ATP2B2: variants seen among roughly 807,000 people sequenced by gnomAD.
ATP2B2 encodes ATPase plasma membrane Ca2+ transporting 2.
In ATP2B2, 15 loss-of-function variants were observed where a neutral mutation model predicts 120.0. The ratio of observed to expected loss-of-function variants is 0.12; its 90% CI spans 0.08 to 0.19. ATP2B2 has a LOEUF of 0.19. ATP2B2 is among the 10% of genes least tolerant of loss of function. The pLI, the probability that ATP2B2 is intolerant of heterozygous loss-of-function variation, is 1.00. For synonymous variants in ATP2B2, 694 were observed against 700.3 expected, an observed-to-expected ratio of 0.99 and a Z score of 0.14; for missense variants, 1,045 against 1,719.8, an observed-to-expected ratio of 0.61 and a Z score of 6.94.
rs2059914882 is a variant in ATP2B2 at position 10,329,172 on chromosome 3, C to T, written c.3421-47G>A. On this transcript the variant is annotated intron_variant, in intron 22 of 22. Transcript: ENST00000360273. This position sits in a 1 kb window ranked among gnomAD's most constrained non-coding sequence, Gnocchi z 5.9. ...CAGGAGCACTGCCCAGGGACCACAGCCAGGCTCGGGGGGCTCACAGGAGGG... is the reference window on the plus strand; with the variant it reads ...CAGGAGCACTGCCCAGGGACCACAGTCAGGCTCGGGGGGCTCACAGGAGGG... The T allele has an allele frequency of 1.3e-6, 2 of 1,589,284 alleles. No homozygotes were observed. Among genetic ancestry groups the T allele is most frequent in the South Asian group, 1.1e-5 (1 of 90,658 alleles).
chr3:10,467,166 C>T (rs2064781890), intron 1 of ATP2B2, among the ~76,000 whole-genome samples: 1 of 152,238 alleles, frequency 6.6e-6, no homozygotes, highest in African/African-American at 2.4e-5. Flanking sequence ...CCCTCAACCT[C>T]TACTTTGATG....
rs1009405687 is a variant in ATP2B2 at position 10,623,622 on chromosome 3, C to A, written c.-459-3661G>T. On this transcript the variant is annotated intron_variant, in intron 1 of 21. Transcript: ENST00000646379. ...GGGACTAATCTCCTTGGGCGGAAGG[C>A]CTGCCTGCATCCTGAAGGTCTCTCT... Among the ~76,000 whole-genome samples, 5 of 152,294 alleles carry A rather than the reference C, an allele frequency of 3.3e-5. 1 individual carries two copies. The highest frequency in any genetic ancestry group is 1.2e-4 in the African/African-American group (5 of 41,552).
chr3:10,689,176 T>A (rs997701324), intron 1 of ATP2B2, among the ~76,000 whole-genome samples: 1 of 152,202 alleles, frequency 6.6e-6, no homozygotes, highest in African/African-American at 2.4e-5. Context: ...CTGGTGCAGA[T>A]CTCCATATAT....
intron 1 of ATP2B2, among the ~76,000 whole-genome samples, chr3:10,699,148 A>T (rs567290380): frequency 6.6e-6 from 1 of 152,284 alleles, no homozygotes; most frequent in Non-Finnish European, 1.5e-5. Flanking sequence ...TTACCTGATC[A>T]TATCATAGCT....
At chr3:10,559,251 A>G (rs2067847864) in intron 2 of ATP2B2, among the ~76,000 whole-genome samples, 1 of 152,162 alleles carries the variant, frequency 6.6e-6, no homozygotes, top group Non-Finnish European at 1.5e-5. Flanking sequence ...AGGCTGGGAA[A>G]TGTAGTGGGC....
chr3:10,651,943 C>T (rs529354719), intron 1 of ATP2B2, among the ~76,000 whole-genome samples: 1 of 152,260 alleles, frequency 6.6e-6, no homozygotes, highest in Admixed American at 6.5e-5. Context: ...TTCTGATGCC[C>T]ATTAACCTTG....
chr3:10,521,433 A>G (rs1301929181), intron 3 of ATP2B2, among the ~76,000 whole-genome samples: 1 of 152,250 alleles, frequency 6.6e-6, no homozygotes, highest in Non-Finnish European at 1.5e-5. Flanking sequence ...GGCATGAATA[A>G]ACCCATAGCC....
At chr3:10,377,254 C>A (rs764983158) in intron 10 of ATP2B2, among the ~76,000 whole-genome samples, 3 of 152,160 alleles carry the variant, frequency 2.0e-5, no homozygotes, top group Non-Finnish European at 4.4e-5. Context: ...TCCCTGGGCC[C>A]ATAGCTCTCC....
At chr3:10,687,885 C>A (rs1248949656) in intron 1 of ATP2B2, among the ~76,000 whole-genome samples, 1 of 151,988 alleles carries the variant, frequency 6.6e-6, no homozygotes, top group Admixed American at 6.6e-5. Flanking sequence ...AAAAAAGAAC[C>A]ATTGGGCCGC....
intron 2 of ATP2B2, among the ~76,000 whole-genome samples, chr3:10,546,654 T>C (rs1433296567): frequency 2.0e-5 from 3 of 152,310 alleles, no homozygotes; most frequent in African/African-American, 7.2e-5. Context: ...TTCTCAGAGC[T>C]ATAAATTAGC....
chr3:10,502,572 G>C (rs2066437892), intron 1 of ATP2B2, among the ~76,000 whole-genome samples: 1 of 152,210 alleles, frequency 6.6e-6, no homozygotes, highest in South Asian at 2.1e-4. Context: ...GCCTGGCTGG[G>C]CCACAGTTTC....
At chr3:10,537,540 C>A (rs1260791933) in intron 2 of ATP2B2, among the ~76,000 whole-genome samples, 1 of 151,996 alleles carries the variant, frequency 6.6e-6, no homozygotes, top group Non-Finnish European at 1.5e-5. Context: ...AGCTTGTATC[C>A]TGTAACTTTC....
intron 1 of ATP2B2, among the ~76,000 whole-genome samples, chr3:10,697,620 C>T (rs552347083): frequency 6.6e-6 from 1 of 152,190 alleles, no homozygotes; most frequent in African/African-American, 2.4e-5. Flanking sequence ...CTGCTCCCCA[C>T]CCCATGGCAC....
In ATP2B2 at chr3:10,355,984, G is replaced by A. The variant is rs1305076390; in HGVS notation, c.2136+2707C>T. Among the ~76,000 whole-genome samples, 5 of 69,732 alleles carry A rather than the reference G, an allele frequency of 7.2e-5. 1 individual carries two copies. The highest frequency in any genetic ancestry group is 1.3e-4 in the Non-Finnish European group (5 of 37,470). 45.7% of individuals were successfully genotyped at this position (69,732 alleles called of 152,430 possible). On this transcript the variant is annotated intron_variant, in intron 14 of 22. Coordinates refer to ENST00000360273, the MANE Select transcript of ATP2B2 (RefSeq NM_001001331.4). ...CAGCTACTCGGGAGGCTGAGGCAGG[G>A]GAATGGCGTGAACCCGGGAGGCGGA...
At chr3:10,538,895 G>T (rs1015886732) in intron 2 of ATP2B2, among the ~76,000 whole-genome samples, 6 of 152,180 alleles carry the variant, frequency 3.9e-5, no homozygotes, top group African/African-American at 1.4e-4. Context: ...GCAGGAGAAA[G>T]AAATAAAGGG....
rs1575309142 is a variant in ATP2B2 at position 10,464,476 on chromosome 3, G to T, written c.-319-14614C>A. Among the ~76,000 whole-genome samples, 5 of 152,058 alleles carry T rather than the reference G, an allele frequency of 3.3e-5. No individual in the cohort carries two copies. In the South Asian group the frequency reaches 1.0e-3, roughly 32 times the overall value. On this transcript the variant is annotated intron_variant, in intron 1 of 22. Transcript: ENST00000360273. ...GGCTCCCTCCATTCCCACAGTCTAT[G>T]GCCCCCACAGCAGCCCTAGCTCCAC...
chr3:10,527,626 C>A (rs554863384), intron 3 of ATP2B2, among the ~76,000 whole-genome samples: 2 of 152,316 alleles, frequency 1.3e-5, no homozygotes, highest in Admixed American at 1.3e-4. Context: ...ATACTCTTTC[C>A]ATCTCAGGAA....
intron 2 of ATP2B2, among the ~76,000 whole-genome samples, chr3:10,606,930 GA>G (rs2069094025): frequency 4.3e-5 from 3 of 70,506 alleles, no homozygotes; most frequent in Non-Finnish European, 7.3e-5. Context: ...GAGAGAGAGA[GA>G]GAGAGAGGGA....
At chr3:10,451,337 G>T (rs183929593) in intron 1 of ATP2B2, among the ~76,000 whole-genome samples, 7 of 152,124 alleles carry the variant, frequency 4.6e-5, no homozygotes, top group African/African-American at 1.7e-4. Context: ...AGCGATTTGC[G>T]TTCAAATCCT....
Sources: allele counts gnomAD v4.1 joint callset (sites outside exome capture counted in the v4.1 genomes callset), GRCh38; gene constraint gnomAD v4.1.1; non-coding constraint Gnocchi (gnomAD v3.1); transcripts MANE v1.5; gene names NCBI Gene and HGNC (gene_info 2026-07-23, HGNC 2026-07-21).